USP54: variants seen among roughly 807,000 people sequenced by gnomAD.
USP54 encodes ubiquitin carboxyl-terminal hydrolase 54.
Under a neutral mutation model 170.5 loss-of-function variants are expected in USP54, and 87 were observed. The observed-to-expected ratio is 0.51, with a 90% CI of 0.43 to 0.61. The LOEUF is 0.61. USP54 is among the 20% of genes least tolerant of loss of function. The pLI is 0.00. For synonymous variants in USP54, 655 were observed against 742.8 expected, an observed-to-expected ratio of 0.88 and a Z score of 1.92; for missense variants, 1,786 against 2,047.8, an observed-to-expected ratio of 0.87 and a Z score of 2.47.
Position 73,575,677 on chromosome 10 carries a change from TG to T in USP54, c.-17-3del, listed in dbSNP as rs1274494079. On this transcript the variant is annotated splice_polypyrimidine_tract_variant and splice_region_variant and intron_variant, in intron 2 of 23. Transcript: ENST00000687698. ...AAGACATTATTGTTCACATTTAGCC[TG>T]AAAAAAAAATGGAGAAGGATTTGTG... 5.8e-6 allele frequency: 9 copies of T among 1,543,966 alleles called. No homozygotes were observed. Among genetic ancestry groups the T allele is most frequent in the African/African-American group, 1.4e-5 (1 of 71,898 alleles).
chr10:73,559,528 C>T (rs2072238164), intron 4 of USP54, among the ~76,000 whole-genome samples: 1 of 146,360 alleles, frequency 6.8e-6, no homozygotes, highest in African/African-American at 2.5e-5. Flanking sequence ...CCATTGCACT[C>T]CAGCCTGGGC....
chr10:73,515,065 ATC>A (rs2060842171), intron 20 of USP54, among the ~76,000 whole-genome samples: 1 of 152,032 alleles, frequency 6.6e-6, no homozygotes, highest in Non-Finnish European at 1.5e-5. Flanking sequence ...TGAATAAAAA[ATC>A]AAATCTTATA....
chr10:73,529,449 T>A (rs982105861), intron 15 of USP54: 3 of 556,822 alleles, frequency 5.4e-6, no homozygotes, highest in East Asian at 3.3e-5. Context: ...CCTAATTTTT[T>A]AAAATTATTT....
At chr10:73,594,626 TTAAA>T (rs2078574102), upstream of USP54, among the ~76,000 whole-genome samples, 1 of 151,020 alleles carries the variant, frequency 6.6e-6, no homozygotes, top group Admixed American at 6.6e-5. Context: ...GCTGAGACTT[TTAAA>T]TAAACTGGAG....
chr10:73,529,414 C>T lies in USP54; in HGVS notation c.2060+266G>A, dbSNP rs182205528. ...CTCCTATGACACAAGTTTATCCTAACAAACCTGCACATATGCCCCCTGAAC... is the reference window on the plus strand; with the variant it reads ...CTCCTATGACACAAGTTTATCCTAATAAACCTGCACATATGCCCCCTGAAC... On this transcript the variant is annotated intron_variant, in intron 15 of 23. Transcript: ENST00000687698. 6.5e-6 allele frequency: 3 copies of T among 461,038 alleles called. 1 individual carries two copies. The highest frequency in any genetic ancestry group is 6.4e-5 in the South Asian group (3 of 46,940). The allele number at this position is 461,038 out of a possible 1,614,324, so 28.6% of individuals were successfully genotyped here.
At chr10:73,527,553 A>AAAAATAATG (rs1214451053) in intron 15 of USP54, among the ~76,000 whole-genome samples, 23 of 151,764 alleles carry the variant, frequency 1.5e-4, no homozygotes, top group Non-Finnish European at 3.1e-4. Flanking sequence ...GCAACTCAGT[A>AAAAATAATG]AAAATAATGT....
chr10:73,577,220 C>T (rs74668157), intron 1 of USP54, among the ~76,000 whole-genome samples: 5,832 of 152,248 alleles, frequency 0.038, 182 homozygotes, highest in Non-Finnish European at 0.063. Flanking sequence ...TCAACAATTC[C>T]TCATTCTCCC....
chr10:73,604,046 C>A lies in USP54; in HGVS notation c.-18+21521G>T, dbSNP rs753719959. On this transcript the variant is annotated intron_variant, in intron 1 of 22. Coordinates refer to the USP54 transcript ENST00000339859. ...GGGGCAGATCATGAGGTCAGGAGTT[C>A]GAGACCAGCCTGGCCAATGTGGTGA... Among the ~76,000 whole-genome samples, 5 of 151,714 alleles carry A rather than the reference C, an allele frequency of 3.3e-5. No homozygotes were observed. In the South Asian group the frequency reaches 1.0e-3, roughly 32 times the overall value.
intron 1 of USP54, among the ~76,000 whole-genome samples, chr10:73,618,484 T>C (rs2080826978): frequency 6.6e-6 from 1 of 150,446 alleles, no homozygotes; most frequent in Non-Finnish European, 1.5e-5. Context: ...GGCTCACGCC[T>C]GTAATCCCAG....
intron 4 of USP54, among the ~76,000 whole-genome samples, chr10:73,570,497 G>A (rs2074931945): frequency 6.7e-6 from 1 of 149,438 alleles, no homozygotes. Flanking sequence ...GTGGTAATGG[G>A]AAACTAGGGA....
At chr10:73,613,693 C>T (rs1298518831) in intron 1 of USP54, among the ~76,000 whole-genome samples, 1 of 150,776 alleles carries the variant, frequency 6.6e-6, no homozygotes, top group Non-Finnish European at 1.5e-5. Flanking sequence ...CCCTGGTCAA[C>T]ATGGTGAAAC....
At chr10:73,611,954 C>CA (rs890078586) in intron 1 of USP54, among the ~76,000 whole-genome samples, 6 of 149,758 alleles carry the variant, frequency 4.0e-5, no homozygotes, top group African/African-American at 1.5e-4. Context: ...ACGAAAAATA[C>CA]AAAAAAACTA....
chr10:73,580,697 C>T (rs991755634), intron 1 of USP54, among the ~76,000 whole-genome samples: 3 of 152,072 alleles, frequency 2.0e-5, no homozygotes, highest in African/African-American at 4.8e-5. Flanking sequence ...CTCAGCCTCC[C>T]GAGTAGCTGG....
rs188767194 is a variant in USP54, at chr10:73,530,782, G to A, written c.1369C>T (p.Leu457=). Residue 457 remains leucine (L), a synonymous_variant, in exon 13 of 24, where the codon CTG becomes TTG. Transcript: ENST00000687698. ...NQKHTSKKGS[L]IERKRSSGRV... ...CCAGAGCTCCTCTTGCGCTCTATCA[G>A]TGACCCTTTCTTGGATGTGTGTTTC... 2.0e-5 allele frequency: 33 copies of A among 1,614,144 alleles called. No homozygotes were observed. In the East Asian group the frequency reaches 6.2e-4, roughly 31 times the overall value.
At chr10:73,550,109 A>T (rs1342085370) in intron 4 of USP54, among the ~76,000 whole-genome samples, 2 of 152,142 alleles carry the variant, frequency 1.3e-5, no homozygotes, top group Non-Finnish European at 2.9e-5. Context: ...TTTTTAGTAG[A>T]GGCCGGGTTT....
intron 4 of USP54, among the ~76,000 whole-genome samples, chr10:73,555,917 A>T (rs1027778436): frequency 1.4e-4 from 22 of 152,126 alleles, no homozygotes; most frequent in African/African-American, 4.6e-4. Context: ...TCCAAATTTT[A>T]AAAAAAAGCT....
At position 73,516,713 on chromosome 10, in the gene USP54, G is replaced by T. The variant is rs1382805991; in HGVS notation, c.3713C>A (p.Ser1238Tyr). 6.2e-7 allele frequency: 1 copy of T among 1,614,158 alleles called. No homozygotes were observed. The highest frequency in any genetic ancestry group is 1.3e-5 in the African/African-American group (1 of 75,042). ...CTTAGACCTAACATCTCTCACTTGG[G>T]ACAGCTTCTCTTGGTATATGTCTGG... ...AEPDIYQEKL[S>Y]QVRDVRSKDL... is the part of the protein sequence containing the mutation. Residue 1238 changes from serine to tyrosine, a missense_variant, in exon 20 of 24, where the codon TCC (serine) becomes TAC (tyrosine). Around this residue, in one of 3 missense-constraint regions of USP54, gnomAD observed 1,418 missense variants for 1,569.0 expected, o/e 0.90. Transcript: ENST00000687698.
chr10:73,540,478 G>A (rs553673166), intron 9 of USP54, among the ~76,000 whole-genome samples: 4 of 151,926 alleles, frequency 2.6e-5, no homozygotes, highest in Admixed American at 2.6e-4. Flanking sequence ...GCTGAGGCAG[G>A]AGAATGGCAT....
In USP54 at chr10:73,580,544, T is replaced by C. The variant is rs145460340; in HGVS notation, c.-581-4183A>G. Among the ~76,000 whole-genome samples the C allele has an allele frequency of 2.9e-3, 444 of 152,104 alleles. 1 individual carries two copies. Among genetic ancestry groups the C allele is most frequent in the Non-Finnish European group, 4.8e-3 (329 of 67,990 alleles). ...ATATGTTTAGGTGCACATCTATTAC[T>C]ATTGTGTTACAATTGCTTATTTTAT... On this transcript the variant is annotated intron_variant, in intron 1 of 23. Coordinates refer to ENST00000687698, the MANE Select transcript of USP54 (RefSeq NM_001391956.1).
Sources: allele counts gnomAD v4.1 joint callset (sites outside exome capture counted in the v4.1 genomes callset), GRCh38; gene constraint gnomAD v4.1.1; regional missense constraint gnomAD v4.1.1; transcripts MANE v1.5; gene names NCBI Gene and HGNC (gene_info 2026-07-23, HGNC 2026-07-21).